Variants in LRRC37A2 observed in about 807,000 individuals in gnomAD.
LRRC37A2 encodes the protein leucine-rich repeat-containing protein 37A2.
LRRC37A2 carries 9 observed loss-of-function variants against 68.8 expected under a neutral mutation model. The ratio of observed to expected loss-of-function variants is 0.13; its 90% CI spans 0.08 to 0.23. The LOEUF (loss-of-function observed/expected upper bound fraction) is 0.23, where lower values mean the gene tolerates loss of function less well. LRRC37A2 is among the 10% of genes least tolerant of loss of function. The pLI is 1.00. For synonymous variants in LRRC37A2, 63 were observed against 367.6 expected (o/e 0.17, Z 9.48); for missense variants, 168 against 950.4 (o/e 0.18, Z 10.82).
chr17:46,768,332 G>A, the LRRC37A2 span: 1 of 1,613,694 alleles, frequency 6.2e-7, no homozygotes, highest in Non-Finnish European at 8.5e-7. The surrounding 1 kb of genome is among the most constrained non-coding windows in gnomAD (Gnocchi z 5.0). Flanking sequence ...ACTTGCAGGT[G>A]TGCACGTCGT....
chr17:46,891,565 C>A, the LRRC37A2 span, among the ~76,000 whole-genome samples: 3 of 152,192 alleles, frequency 2.0e-5, no homozygotes. Flanking sequence ...CATCTGGGCC[C>A]CTCAAACCTT....
the LRRC37A2 span, among the ~76,000 whole-genome samples, chr17:46,783,664 G>A: frequency 6.6e-6 from 1 of 152,176 alleles, no homozygotes; most frequent in African/African-American, 2.4e-5. Flanking sequence ...CTCTAGGAAC[G>A]GGGGCAAGTG....
chr17:46,744,427 C>G, the LRRC37A2 span, among the ~76,000 whole-genome samples: 1 of 152,214 alleles, frequency 6.6e-6, no homozygotes, highest in African/African-American at 2.4e-5. Flanking sequence ...AAACTCACTT[C>G]TTAATCCATT....
At chr17:46,940,388 G>A in the LRRC37A2 span, 1 of 1,543,490 alleles carries the variant, frequency 6.5e-7, no homozygotes, top group East Asian at 2.3e-5. Context: ...AGGGTGGACT[G>A]GGGGGTTGCA....
the LRRC37A2 span, among the ~76,000 whole-genome samples, chr17:46,814,935 C>T: frequency 6.6e-6 from 1 of 152,184 alleles, no homozygotes; most frequent in Non-Finnish European, 1.5e-5. Context: ...TGCTATTTCC[C>T]AGCTCACTGC....
At chr17:46,635,788 T>TGTGTGTGTGC in the LRRC37A2 span, among the ~76,000 whole-genome samples, 1 of 136,394 alleles carries the variant, frequency 7.3e-6, no homozygotes, top group Admixed American at 7.4e-5. Flanking sequence ...TGTGTGTGTG[T>TGTGTGTGTGC]GTGTGTGTGT....
At chr17:46,820,255 C>T in the LRRC37A2 span, among the ~76,000 whole-genome samples, 1 of 152,026 alleles carries the variant, frequency 6.6e-6, no homozygotes, top group Non-Finnish European at 1.5e-5. Context: ...CACCAAGGGT[C>T]GGGAGAGCCG....
At chr17:46,633,435 GT>G in the LRRC37A2 span, among the ~76,000 whole-genome samples, 1 of 121,398 alleles carries the variant, frequency 8.2e-6, no homozygotes, top group Admixed American at 8.5e-5. Flanking sequence ...TAGAGATAGG[GT>G]TTCACTGTGT....
the LRRC37A2 span, among the ~76,000 whole-genome samples, chr17:46,605,695 C>A: frequency 1.6e-5 from 1 of 63,884 alleles, no homozygotes; most frequent in Admixed American, 1.6e-4. Context: ...AGTGGAAATT[C>A]AGATCAATTT....
At chr17:46,945,002 A>T in the LRRC37A2 span, among the ~76,000 whole-genome samples, 1 of 152,196 alleles carries the variant, frequency 6.6e-6, no homozygotes, top group African/African-American at 2.4e-5. Context: ...GTTCAGCTGG[A>T]AAGACAGGAT....
At chr17:46,881,166 G>A in the LRRC37A2 span, among the ~76,000 whole-genome samples, 2 of 152,182 alleles carry the variant, frequency 1.3e-5, no homozygotes, top group Non-Finnish European at 2.9e-5. Context: ...TCCTGGCTCA[G>A]GCCTGCCCTG....
the LRRC37A2 span, chr17:46,978,895 CAGCCCAGCCACG>C: frequency 6.7e-7 from 1 of 1,502,708 alleles, no homozygotes; most frequent in Non-Finnish European, 8.8e-7. Context: ...CCCTGGACAG[CAGCCCAGCCACG>C]TGCCCAGCCC....
chr17:46,893,131 A>T, the LRRC37A2 span, among the ~76,000 whole-genome samples: 1 of 151,978 alleles, frequency 6.6e-6, no homozygotes, highest in African/African-American at 2.4e-5. Flanking sequence ...TTGGGTTTTC[A>T]CCATGTTGGC....
the LRRC37A2 span, among the ~76,000 whole-genome samples, chr17:46,410,151 C>T: frequency 9.4e-6 from 1 of 106,568 alleles, no homozygotes; most frequent in African/African-American, 3.5e-5. Context: ...AGGCTGGGTG[C>T]AATGACTCAT....
the LRRC37A2 span, among the ~76,000 whole-genome samples, chr17:46,466,878 C>A: frequency 1.9e-5 from 2 of 102,906 alleles, 1 homozygote; most frequent in African/African-American, 7.7e-5. Flanking sequence ...ACCAAAGGAA[C>A]AGAACAGAGG....
At chr17:46,734,607 C>G in the LRRC37A2 span, among the ~76,000 whole-genome samples, 2 of 152,022 alleles carry the variant, frequency 1.3e-5, no homozygotes, top group African/African-American at 2.4e-5. Flanking sequence ...TTCTTGTTTT[C>G]TGGACAGAAA....
At chr17:46,877,533 C>T in the LRRC37A2 span, among the ~76,000 whole-genome samples, 1 of 152,180 alleles carries the variant, frequency 6.6e-6, no homozygotes, top group African/African-American at 2.4e-5. Context: ...TGAGGTTGAA[C>T]AGGGAGACAA....
chr17:46,716,229 T>C, the LRRC37A2 span, among the ~76,000 whole-genome samples: 3 of 151,266 alleles, frequency 2.0e-5, no homozygotes, highest in African/African-American at 4.8e-5. Flanking sequence ...GTATAAGTTC[T>C]AGTCTACCTC....
At chr17:46,429,134 AT>A in the LRRC37A2 span, among the ~76,000 whole-genome samples, 1 of 151,778 alleles carries the variant, frequency 6.6e-6, no homozygotes, top group African/African-American at 2.4e-5. Flanking sequence ...TGTTTTTGTT[AT>A]TGTTTTAATC....
Sources: allele counts gnomAD v4.1 joint callset (sites outside exome capture counted in the v4.1 genomes callset), GRCh38; gene constraint gnomAD v4.1.1; non-coding constraint Gnocchi (gnomAD v3.1); transcripts MANE v1.5; gene names NCBI Gene and HGNC (gene_info 2026-07-23, HGNC 2026-07-21).